PDE7B: variants seen among roughly 807,000 people sequenced by gnomAD.
PDE7B encodes phosphodiesterase 7B.
In PDE7B, 29 loss-of-function variants were observed where a neutral mutation model predicts 56.2. The ratio of observed to expected loss-of-function variants is 0.52; its 90% CI spans 0.38 to 0.70. The LOEUF is 0.70. PDE7B is among the 30% of genes least tolerant of loss of function. The pLI, the probability that PDE7B is intolerant of heterozygous loss-of-function variation, is 0.00. For missense variants in PDE7B, 490 were observed against 565.0 expected (o/e 0.87, Z 1.35); for synonymous variants, 197 against 196.9 (o/e 1.00, Z 0.00).
chr6:135,932,323 A>T (rs1217636997), intron 1 of PDE7B, among the ~76,000 whole-genome samples: 1 of 152,128 alleles, frequency 6.6e-6, no homozygotes, highest in South Asian at 2.1e-4. Context: ...ATTGTTTGCA[A>T]CTCAATAGAT....
chr6:136,018,095 CT>C (rs1182961591), intron 2 of PDE7B, among the ~76,000 whole-genome samples: 1 of 152,142 alleles, frequency 6.6e-6, no homozygotes. Flanking sequence ...TCATAGCTGT[CT>C]TTTGGATTTT....
At chr6:135,928,634 G>A (rs1044406184) in intron 1 of PDE7B, among the ~76,000 whole-genome samples, 2 of 149,274 alleles carry the variant, frequency 1.3e-5, no homozygotes, top group Non-Finnish European at 3.0e-5. Flanking sequence ...ATAAAAAGGG[G>A]CAAAATCATG....
chr6:136,129,497 C>T (rs1036325925), intron 3 of PDE7B, among the ~76,000 whole-genome samples: 9 of 152,160 alleles, frequency 5.9e-5, no homozygotes, highest in Admixed American at 6.5e-5. Flanking sequence ...CACACCCCTC[C>T]CCACTCCCCA....
At chr6:136,148,350 G>C (rs1442000401) in intron 4 of PDE7B, among the ~76,000 whole-genome samples, 1 of 147,756 alleles carries the variant, frequency 6.8e-6, no homozygotes, top group African/African-American at 2.5e-5. Flanking sequence ...AGTGAGACCA[G>C]GTCTCAAAAA....
intron 3 of PDE7B, among the ~76,000 whole-genome samples, chr6:136,110,017 G>T (rs770458973): frequency 6.6e-6 from 1 of 152,158 alleles, no homozygotes; most frequent in Non-Finnish European, 1.5e-5. Flanking sequence ...ATTAGAACCT[G>T]TTATTTCTGA....
At chr6:136,140,080 C>A (rs1014911533) in intron 3 of PDE7B, among the ~76,000 whole-genome samples, 2 of 152,094 alleles carry the variant, frequency 1.3e-5, no homozygotes, top group African/African-American at 4.8e-5. Context: ...CCTAGGTTTT[C>A]TTCTAGGGTT....
chr6:135,888,388 T>C lies in PDE7B; in HGVS notation c.21+36369T>C, dbSNP rs186137495. ...ACTTAGAGCTATGCTACTGGATAAT[T>C]ATCTTTGGGACCTCAGATAAAGTAA... On this transcript the variant is annotated intron_variant, in intron 1 of 12. Transcript: ENST00000308191. Among the ~76,000 whole-genome samples the C allele has an allele frequency of 4.4e-3, 675 of 152,304 alleles. 12 individuals carry two copies. Among genetic ancestry groups the C allele is most frequent in the South Asian group, 0.02 (97 of 4,828 alleles).
intron 1 of PDE7B, among the ~76,000 whole-genome samples, chr6:135,912,826 A>G (rs1776235537): frequency 1.3e-5 from 2 of 152,190 alleles, no homozygotes; most frequent in Non-Finnish European, 2.9e-5. Flanking sequence ...TATTTTTATC[A>G]TTCCCATTTT....
intron 8 of PDE7B, among the ~76,000 whole-genome samples, chr6:136,168,926 A>T (rs932741061): frequency 6.6e-6 from 1 of 152,148 alleles, no homozygotes; most frequent in Non-Finnish European, 1.5e-5. Context: ...ATTCAGTATA[A>T]TTCCAGGTAT....
intron 2 of PDE7B, among the ~76,000 whole-genome samples, chr6:136,068,247 T>G (rs1026228734): frequency 2.0e-5 from 3 of 152,094 alleles, no homozygotes; most frequent in Non-Finnish European, 4.4e-5. Flanking sequence ...GTACATTGGT[T>G]CTGTCCGGAA....
At chr6:136,032,580 T>A (rs1776260538) in intron 2 of PDE7B, among the ~76,000 whole-genome samples, 1 of 152,182 alleles carries the variant, frequency 6.6e-6, no homozygotes, top group African/African-American at 2.4e-5. Context: ...GTACCCTATA[T>A]CCAACAGCCC....
rs567688865 is a variant in PDE7B at position 136,017,926 on chromosome 6, T to C, written c.82+70402T>C. ...CAAACATACACACATACCCTAAGCA[T>C]TCCTACATGAAGCATTGTTGACTAA... On this transcript the variant is annotated intron_variant, in intron 2 of 12. Transcript: ENST00000308191. Among the ~76,000 whole-genome samples the C allele has an allele frequency of 3.3e-5, 5 of 152,298 alleles. 1 individual carries two copies. The highest frequency in any genetic ancestry group is 2.6e-4 in the Admixed American group (4 of 15,294).
At chr6:135,908,688 C>T (rs1776159118) in intron 1 of PDE7B, among the ~76,000 whole-genome samples, 1 of 152,070 alleles carries the variant, frequency 6.6e-6, no homozygotes, top group Non-Finnish European at 1.5e-5. Context: ...ATGGAGGAAA[C>T]TTGAAAATCT....
At chr6:135,893,100 G>T (rs1775837585) in intron 1 of PDE7B, among the ~76,000 whole-genome samples, 1 of 151,872 alleles carries the variant, frequency 6.6e-6, no homozygotes, top group South Asian at 2.1e-4. Context: ...TAAGTTCTAG[G>T]GTACATGTGC....
chr6:136,122,677 G>T (rs1417845371), intron 3 of PDE7B, among the ~76,000 whole-genome samples: 1 of 152,162 alleles, frequency 6.6e-6, no homozygotes, highest in Non-Finnish European at 1.5e-5. Flanking sequence ...AGTGTTCTAT[G>T]TGCTAAGCAC....
chr6:135,908,179 C>T (rs1314198976), intron 1 of PDE7B, among the ~76,000 whole-genome samples: 1 of 151,786 alleles, frequency 6.6e-6, no homozygotes, highest in Non-Finnish European at 1.5e-5. Flanking sequence ...ACCTACACCT[C>T]CTGGGTTCAA....
In PDE7B at chr6:136,187,066, T is replaced by A; in HGVS notation, c.1076T>A (p.Ile359Asn). 6.3e-7 allele frequency: 1 copy of A among 1,591,364 alleles called. No homozygotes were observed. Among genetic ancestry groups the A allele is most frequent in the Non-Finnish European group, 8.6e-7 (1 of 1,160,568 alleles). The change falls in exon 12 of 13, where the codon ATC becomes AAC. Residue 359 changes from isoleucine to asparagine, a missense_variant. Ile to Asn is a moderately radical substitution (Grantham distance 149). Transcript: ENST00000308191. ...CTTGAACAGAAATTTGAACTGGAAA[T>A]CAGTCCTCTTTGTAATCAACAGAAA... Reference protein sequence around the residue: ...GELEQKFELEISPLCNQQKDS... With the variant: ...GELEQKFELENSPLCNQQKDS...
chr6:136,074,921 T>C (rs1218543472), intron 2 of PDE7B, among the ~76,000 whole-genome samples: 1 of 152,192 alleles, frequency 6.6e-6, no homozygotes, highest in African/African-American at 2.4e-5. Context: ...TATACTGATT[T>C]CTTTTCTTCT....
At chr6:136,054,900 C>T (rs1776702422) in intron 2 of PDE7B, among the ~76,000 whole-genome samples, 3 of 152,092 alleles carry the variant, frequency 2.0e-5, no homozygotes. Context: ...ACCATCAGAT[C>T]CCATGATACT....
Sources: allele counts gnomAD v4.1 joint callset (sites outside exome capture counted in the v4.1 genomes callset), GRCh38; gene constraint gnomAD v4.1.1; transcripts MANE v1.5; gene names NCBI Gene and HGNC (gene_info 2026-07-23, HGNC 2026-07-21).